Variants in ACOT12 observed in about 807,000 individuals in gnomAD.
The protein encoded by ACOT12 is acetyl-coenzyme A thioesterase.
In ACOT12, 51 loss-of-function variants were observed where a neutral mutation model predicts 67.7. The ratio of observed to expected loss-of-function variants is 0.75; its 90% CI spans 0.60 to 0.95. The LOEUF is 0.95. Ranked by LOEUF, ACOT12 falls within the 40% of genes least tolerant of loss-of-function variation. ACOT12 has a pLI of 0.00. For synonymous variants in ACOT12, 251 were observed against 244.6 expected (o/e 1.03, Z -0.24); for missense variants, 734 against 708.1 (o/e 1.04, Z -0.41).
intron 11 of ACOT12, among the ~76,000 whole-genome samples, chr5:81,336,709 T>C (rs1038466949): frequency 2.0e-5 from 3 of 152,192 alleles, no homozygotes; most frequent in African/African-American, 7.2e-5. Flanking sequence ...ACTTTGAAGT[T>C]AGTGTTGAAA....
chr5:81,323,751 G>T, the ACOT12 span, among the ~76,000 whole-genome samples: 1 of 151,640 alleles, frequency 6.6e-6, no homozygotes, highest in Non-Finnish European at 1.5e-5. Flanking sequence ...CAGGTACTGG[G>T]TTGAAAGTAG....
chr5:81,343,842 G>A lies in ACOT12; in HGVS notation c.1020C>T (p.Cys340=). ...CCTGCTTGCTGATATCCCAGTGTAT[G>A]CAAAGTGGAACCTCTTCTTTGTGGG... ...VISHKEEVPL[C]IHWDISKQAS... is the part of the protein sequence containing the mutation. The change falls in exon 10 of 15, where the codon TGC becomes TGT. Residue 340 remains cysteine (C), a synonymous_variant. Transcript: ENST00000307624. 6.2e-7 allele frequency: 1 copy of A among 1,613,544 alleles called. No individual in the cohort carries two copies. The highest frequency in any genetic ancestry group is 8.5e-7 in the Non-Finnish European group (1 of 1,179,866).
Position 81,359,996 on chromosome 5 carries a change from C to T in ACOT12, c.403G>A (p.Val135Met), listed in dbSNP as rs182807009. ...PVTLLTEQDH[V>M]EHNLAAERRK... Reference sequence around the variant, plus strand: ...CTCTCAGCAGCCAGATTATGTTCCACATGATCTTGTTCAGTTAGAAGTGTG... The same window carrying T: ...CTCTCAGCAGCCAGATTATGTTCCATATGATCTTGTTCAGTTAGAAGTGTG... The change falls in exon 5 of 15, where the codon GTG (valine) becomes ATG (methionine). Residue 135 changes from valine to methionine, a missense_variant. Val to Met is a conservative substitution (Grantham distance 21, BLOSUM62 1). Coordinates refer to ENST00000307624, the MANE Select transcript of ACOT12 (RefSeq NM_130767.3). 38 of 1,612,814 alleles carry T rather than the reference C, an allele frequency of 2.4e-5. No individual in the cohort carries two copies. The East Asian group carries it at 3.6e-4, about 15-fold the overall frequency.
chr5:81,373,892 G>C (rs1412860771), intron 2 of ACOT12, among the ~76,000 whole-genome samples: 1 of 152,160 alleles, frequency 6.6e-6, no homozygotes, highest in Non-Finnish European at 1.5e-5. Flanking sequence ...TGGGGGAAGG[G>C]GTGGCTATGG....
At chr5:81,337,474 A>G (rs1263452213) in intron 11 of ACOT12, among the ~76,000 whole-genome samples, 1 of 152,194 alleles carries the variant, frequency 6.6e-6, no homozygotes, top group Non-Finnish European at 1.5e-5. Context: ...TGCAGATGTA[A>G]TTAGTCAAGA....
intron 13 of ACOT12, among the ~76,000 whole-genome samples, chr5:81,331,326 T>C (rs892633220): frequency 3.3e-5 from 5 of 151,752 alleles, no homozygotes; most frequent in Non-Finnish European, 5.9e-5. Flanking sequence ...TCACCTGAGG[T>C]CAGGAGTTCG....
intron 4 of ACOT12, among the ~76,000 whole-genome samples, chr5:81,362,644 C>T (rs1580567436): frequency 6.6e-6 from 1 of 152,096 alleles, no homozygotes; most frequent in Non-Finnish European, 1.5e-5. Flanking sequence ...TCTCTCACTT[C>T]CAAGAGTCTG....
At chr5:81,354,047 T>A (rs13169852) in intron 5 of ACOT12, among the ~76,000 whole-genome samples, 23,809 of 152,224 alleles carry the variant, frequency 0.16, 2,283 homozygotes, top group Non-Finnish European at 0.21. Flanking sequence ...TGAATTGCTT[T>A]TAAGTTCTCT....
chr5:81,311,650 TG>T, the ACOT12 span, among the ~76,000 whole-genome samples: 3 of 152,200 alleles, frequency 2.0e-5, no homozygotes, highest in Non-Finnish European at 2.9e-5. Context: ...TAATATTGAG[TG>T]TCCTTATGTA....
At chr5:81,370,667 C>T (rs1439630884) in intron 3 of ACOT12, among the ~76,000 whole-genome samples, 1 of 152,184 alleles carries the variant, frequency 6.6e-6, no homozygotes, top group Non-Finnish European at 1.5e-5. Flanking sequence ...CAGATTATCC[C>T]TCCAGCCCTC....
chr5:81,371,757 C>G lies in ACOT12; in HGVS notation c.251G>C (p.Ser84Thr). 1 of 1,614,100 alleles carries G rather than the reference C, an allele frequency of 6.2e-7. No individual in the cohort carries two copies. Among genetic ancestry groups the G allele is most frequent in the Non-Finnish European group, 8.5e-7 (1 of 1,179,982 alleles). The change falls in exon 3 of 15, where the codon AGC (serine) becomes ACC (threonine). Residue 84 changes from serine (S) to threonine (T), a missense_variant. Transcript: ENST00000307624. ...KAKVTRAFSTSMEISIKVMVQ... is the reference protein window; with the variant it reads ...KAKVTRAFSTTMEISIKVMVQ... ...TGAAAAGGTGCCTCTTACCTCCATG[C>G]TTGTGCTGAATGCTCTAGTAACTTT...
At position 81,385,693 on chromosome 5, in the gene ACOT12, C is replaced by CA. The variant is rs201835618; in HGVS notation, c.197+63dup. The stretch of plus-strand genomic sequence containing the variant: ...CTGCCTGAATAAGCTCAGGTGCCAC[C>CA]AATACATGTCCCAGATGAACCCACA... On this transcript the variant is annotated intron_variant, in intron 2 of 14. Coordinates refer to ENST00000307624, the MANE Select transcript of ACOT12 (RefSeq NM_130767.3). 2.2e-3 allele frequency: 3,204 copies of CA among 1,482,320 alleles called. 53 individuals are homozygous for CA. In the African/African-American group the frequency reaches 0.035, roughly 16 times the overall value. 91.8% of individuals were successfully genotyped at this position (1,482,320 alleles called of 1,614,324 possible). A position where few individuals can be genotyped will look rare whatever the true frequency, so the allele number is the denominator to read the frequency against.
At chr5:81,328,371 C>T (rs1375918187), downstream of ACOT12, among the ~76,000 whole-genome samples, 2 of 152,042 alleles carry the variant, frequency 1.3e-5, no homozygotes, top group East Asian at 1.9e-4. Flanking sequence ...TTGCTGAACC[C>T]GCCGTGCCTA....
the ACOT12 span, chr5:81,312,797 A>C: frequency 3.3e-6 from 2 of 612,326 alleles, no homozygotes; most frequent in Non-Finnish European, 5.8e-6. Context: ...GTGGCCAAAA[A>C]CAATTTTCTT....
chr5:81,387,094 C>T (rs1048591906), intron 1 of ACOT12, among the ~76,000 whole-genome samples: 3 of 151,074 alleles, frequency 2.0e-5, no homozygotes, highest in Admixed American at 6.6e-5. Context: ...CAACCTCCAC[C>T]TCCTGGGTTC....
At chr5:81,393,454 G>A (rs1760916101) in intron 1 of ACOT12, among the ~76,000 whole-genome samples, 2 of 152,112 alleles carry the variant, frequency 1.3e-5, no homozygotes, top group Admixed American at 1.3e-4. Context: ...CACTTTGGGA[G>A]GCTGGGGCCT....
chr5:81,363,451 G>T (rs1561340514), intron 4 of ACOT12, among the ~76,000 whole-genome samples: 1 of 152,078 alleles, frequency 6.6e-6, no homozygotes, highest in East Asian at 1.9e-4. Flanking sequence ...AGTCAATTTT[G>T]AGTTATATGA....
Position 81,330,145 on chromosome 5 carries a change from C to T in ACOT12, c.*249G>A. The T allele has an allele frequency of 2.7e-6, 1 of 363,860 alleles. No homozygotes were observed. The highest frequency in any genetic ancestry group is 5.0e-6 in the Non-Finnish European group (1 of 201,438). 22.5% of individuals were successfully genotyped at this position (363,860 alleles called of 1,614,324 possible). On this transcript the variant is annotated 3_prime_UTR_variant, in exon 15 of 15. Transcript: ENST00000307624. ...CATAGTACTGCATACAGGCAATTTTCCACTATCTGTGCCCCTGGAAGAGGC... is the reference window on the plus strand; with the variant it reads ...CATAGTACTGCATACAGGCAATTTTTCACTATCTGTGCCCCTGGAAGAGGC...
chr5:81,328,524 T>A (rs1758729403), downstream of ACOT12, among the ~76,000 whole-genome samples: 1 of 152,222 alleles, frequency 6.6e-6, no homozygotes, highest in Non-Finnish European at 1.5e-5. Flanking sequence ...GGCATTGTTT[T>A]AGACAATAGA....
Sources: gnomAD v4.1 joint callset for allele counts (sites outside exome capture counted in the v4.1 genomes callset) on GRCh38, gnomAD v4.1.1 for gene constraint, MANE v1.5 for transcripts, NCBI Gene and HGNC (gene_info 2026-07-23, HGNC 2026-07-21) for gene names.